Variants in GLIS1 observed in about 807,000 individuals in gnomAD.
GLIS1 encodes zinc finger protein GLIS1.
A neutral mutation model predicts 63.8 loss-of-function variants in GLIS1; 24 were observed. The ratio of observed to expected loss-of-function variants is 0.38; its 90% CI spans 0.27 to 0.53. GLIS1 has a LOEUF of 0.53. GLIS1 is among the 20% of genes least tolerant of loss of function. The pLI is 0.85. For synonymous variants in GLIS1, 450 were observed against 482.5 expected (o/e 0.93, Z 0.88); for missense variants, 1,036 against 1,074.1 (o/e 0.96, Z 0.50).
In GLIS1 at chr1:53,549,931, G is replaced by A. The variant is rs532791970; in HGVS notation, c.1321-19979C>T. ...AGGAGGCCACAGAATGAAAGCTTGG[G>A]GCATTAGGGAAGGTCACGCCCACCC... On this transcript the variant is annotated intron_variant, in intron 4 of 10. Transcript: ENST00000628545. Among the ~76,000 whole-genome samples the A allele has an allele frequency of 1.9e-4, 29 of 152,264 alleles. 1 individual carries two copies. In the South Asian group the frequency reaches 5.6e-3, roughly 29 times the overall value.
intron 8 of GLIS1, among the ~76,000 whole-genome samples, chr1:53,514,223 G>A (rs999238299): frequency 2.0e-5 from 3 of 152,186 alleles, no homozygotes; most frequent in African/African-American, 7.2e-5. Flanking sequence ...TCTGTGGAGT[G>A]CGCGCAGTGG....
chr1:53,613,626 T>C (rs912026575), intron 2 of GLIS1, among the ~76,000 whole-genome samples: 2 of 145,132 alleles, frequency 1.4e-5, no homozygotes, highest in South Asian at 2.3e-4. Flanking sequence ...TGTGTTATTA[T>C]GTAATTTAAA....
chr1:53,729,870 CGCTGG>C (rs1646842462), intron 2 of GLIS1, among the ~76,000 whole-genome samples: 1 of 152,064 alleles, frequency 6.6e-6, no homozygotes, highest in Non-Finnish European at 1.5e-5. Context: ...TTTTGTTTCG[CGCTGG>C]AAATGCCACG....
At chr1:53,535,166 G>A (rs1644569918) in intron 4 of GLIS1, among the ~76,000 whole-genome samples, 1 of 152,034 alleles carries the variant, frequency 6.6e-6, no homozygotes, top group Admixed American at 6.6e-5. Flanking sequence ...CAAACACATG[G>A]GGTAGTGGTT....
At chr1:53,600,862 T>C (rs1645309997) in intron 2 of GLIS1, among the ~76,000 whole-genome samples, 1 of 152,260 alleles carries the variant, frequency 6.6e-6, no homozygotes, top group Admixed American at 6.5e-5. Flanking sequence ...TATACCTCGC[T>C]ATTGCCTGAT....
chr1:53,705,490 T>C (rs1242154876), intron 2 of GLIS1, among the ~76,000 whole-genome samples: 1 of 152,198 alleles, frequency 6.6e-6, no homozygotes, highest in East Asian at 1.9e-4. Context: ...TTTCCTTCTC[T>C]CTTCTCTGCA....
chr1:53,706,293 T>C (rs1415049139), intron 2 of GLIS1, among the ~76,000 whole-genome samples: 1 of 152,188 alleles, frequency 6.6e-6, no homozygotes, highest in East Asian at 1.9e-4. Context: ...GGTAACAGCC[T>C]CAGAGCTGTT....
In GLIS1 at chr1:53,646,942, A is replaced by AAAGGGAAGGG. The variant is rs138416880; in HGVS notation, c.260-46674_260-46665dup. Reference sequence around the variant, plus strand: ...GAAGGAAGGAAGGAAAGAAGGAAGGAAAGGGAAGGGAAGGGAAGGAAAGGA... The same window carrying AAAGGGAAGGG: ...GAAGGAAGGAAGGAAAGAAGGAAGGAAAGGGAAGGGAAGGGAAGGGAAGGGAAGGAAAGGA... On this transcript the variant is annotated intron_variant, in intron 2 of 10. Transcript: ENST00000628545. The surrounding 1 kb of genome is among the most constrained non-coding windows in gnomAD (Gnocchi z 4.2). Among the ~76,000 whole-genome samples the AAAGGGAAGGG allele has an allele frequency of 5.3e-5, 6 of 113,992 alleles. No homozygotes were observed. The highest frequency in any genetic ancestry group is 1.6e-4 in the Admixed American group (2 of 12,332). 74.8% of individuals were successfully genotyped at this position (113,992 alleles called of 152,430 possible).
At chr1:53,683,523 T>C (rs554461217) in intron 2 of GLIS1, among the ~76,000 whole-genome samples, 1 of 152,288 alleles carries the variant, frequency 6.6e-6, no homozygotes, top group African/African-American at 2.4e-5. Context: ...GGGCACCACC[T>C]ACCTCAGAGA....
At chr1:53,507,820 G>A (rs1644251538) in intron 10 of GLIS1, among the ~76,000 whole-genome samples, 1 of 152,216 alleles carries the variant, frequency 6.6e-6, no homozygotes, top group Admixed American at 6.5e-5. Flanking sequence ...TTCATTCTAA[G>A]CCTTGCTGCT....
intron 2 of GLIS1, among the ~76,000 whole-genome samples, chr1:53,628,032 G>C (rs1283842463): frequency 6.6e-6 from 1 of 152,190 alleles, no homozygotes; most frequent in African/African-American, 2.4e-5. Flanking sequence ...CACTGAACCT[G>C]GGGGAGAGGG....
At chr1:53,617,600 G>A (rs1249991336) in intron 2 of GLIS1, among the ~76,000 whole-genome samples, 3 of 152,248 alleles carry the variant, frequency 2.0e-5, no homozygotes, top group Admixed American at 6.5e-5. Context: ...GCAATTGGCC[G>A]ATGACTTCAT....
intron 2 of GLIS1, among the ~76,000 whole-genome samples, chr1:53,691,587 T>A (rs1646406157): frequency 6.6e-6 from 1 of 151,624 alleles, no homozygotes; most frequent in Non-Finnish European, 1.5e-5. Flanking sequence ...CCTCCTCCAT[T>A]CCCTCTCCCT....
At position 53,560,807 on chromosome 1, in the gene GLIS1, C is replaced by T. The variant is rs1644884196; in HGVS notation, c.1321-30855G>A. Among the ~76,000 whole-genome samples, 1 of 152,194 alleles carries T rather than the reference C, an allele frequency of 6.6e-6. No homozygotes were observed. The highest frequency in any genetic ancestry group is 2.4e-5 in the African/African-American group (1 of 41,456). On this transcript the variant is annotated intron_variant, in intron 4 of 10. Coordinates refer to ENST00000628545, the MANE Select transcript of GLIS1 (RefSeq NM_001367484.1). This position sits in a 1 kb window ranked among gnomAD's most constrained non-coding sequence, Gnocchi z 4.4. Reference sequence around the variant, plus strand: ...TGGCGATGAGTCCTTGGACTCCACCCATACCTCAGTACCCCAGGCCTTGCC... The same window carrying T: ...TGGCGATGAGTCCTTGGACTCCACCTATACCTCAGTACCCCAGGCCTTGCC...
At chr1:53,549,744 T>C (rs1644739525) in intron 4 of GLIS1, among the ~76,000 whole-genome samples, 1 of 152,248 alleles carries the variant, frequency 6.6e-6, no homozygotes, top group African/African-American at 2.4e-5. Context: ...ATTTCTTGGG[T>C]ACTTCCAATG....
At chr1:53,685,513 C>A (rs1408444391) in intron 2 of GLIS1, among the ~76,000 whole-genome samples, 1 of 152,220 alleles carries the variant, frequency 6.6e-6, no homozygotes, top group Non-Finnish European at 1.5e-5. Flanking sequence ...TCTGCAAAAA[C>A]CCTGGTACCT....
At chr1:53,532,055 G>A (rs1359696425) in intron 4 of GLIS1, among the ~76,000 whole-genome samples, 1 of 152,214 alleles carries the variant, frequency 6.6e-6, no homozygotes, top group Non-Finnish European at 1.5e-5. Flanking sequence ...TACTGGGCAA[G>A]GAGTCTGCAG....
At chr1:53,621,453 A>G (rs890559921) in intron 2 of GLIS1, among the ~76,000 whole-genome samples, 13 of 152,246 alleles carry the variant, frequency 8.5e-5, no homozygotes, top group Non-Finnish European at 1.8e-4. Flanking sequence ...AGGTGGGCCA[A>G]CTTGATGAAC....
intron 2 of GLIS1, among the ~76,000 whole-genome samples, chr1:53,620,155 C>T (rs191720902): frequency 2.6e-5 from 4 of 152,328 alleles, no homozygotes; most frequent in African/African-American, 9.6e-5. Context: ...TACCAGGATT[C>T]GATGCAGAGT....
Sources: allele counts gnomAD v4.1 joint callset (sites outside exome capture counted in the v4.1 genomes callset), GRCh38; gene constraint gnomAD v4.1.1; non-coding constraint Gnocchi (gnomAD v3.1); transcripts MANE v1.5; gene names NCBI Gene and HGNC (gene_info 2026-07-23, HGNC 2026-07-21).